Variants in NKAIN3 observed in about 807,000 individuals in gnomAD.
NKAIN3 encodes the protein sodium/potassium-transporting ATPase subunit beta-1-interacting protein 3.
NKAIN3 carries 25 observed loss-of-function variants against 30.2 expected under a neutral mutation model. The observed-to-expected ratio is 0.83, with a 90% CI of 0.60 to 1.16. NKAIN3 has a LOEUF of 1.16. NKAIN3 is among the 50% of genes most tolerant of loss of function. NKAIN3 has a pLI of 0.00. For missense variants in NKAIN3, 225 were observed against 254.1 expected, an observed-to-expected ratio of 0.89 and a Z score of 0.78; for synonymous variants, 91 against 89.6, an observed-to-expected ratio of 1.02 and a Z score of -0.09.
Position 62,250,275 on chromosome 8 carries a change from C to T in NKAIN3, c.54+1148C>T, listed in dbSNP as rs533719696. On this transcript the variant is annotated intron_variant, in intron 1 of 6. Transcript: ENST00000623646. ...TTCTCTTGCCTCAGTGTTCCAGTCT[C>T]CCATGAAAACCTCACTTTGGATGTG... 1.6e-4 allele frequency among the ~76,000 whole-genome samples: 25 copies of T among 152,230 alleles called. No individual in the cohort carries two copies. In the South Asian group the frequency reaches 4.6e-3, roughly 28 times the overall value.
intron 1 of NKAIN3, among the ~76,000 whole-genome samples, chr8:62,309,513 G>C (rs987459460): frequency 6.6e-6 from 1 of 150,484 alleles, no homozygotes; most frequent in Non-Finnish European, 1.5e-5. Flanking sequence ...TCATGAAGCT[G>C]ATAGTTAACA....
At chr8:62,348,312 A>G (rs1361330283) in intron 1 of NKAIN3, among the ~76,000 whole-genome samples, 1 of 152,186 alleles carries the variant, frequency 6.6e-6, no homozygotes, top group Non-Finnish European at 1.5e-5. Flanking sequence ...TAATCCAGGA[A>G]GCATGTTTAT....
intron 3 of NKAIN3, among the ~76,000 whole-genome samples, chr8:62,600,886 T>C (rs1810966372): frequency 6.6e-6 from 1 of 152,118 alleles, no homozygotes; most frequent in African/African-American, 2.4e-5. Context: ...CTCATTCTTA[T>C]TACTTACCTT....
At chr8:62,805,760 A>T (rs1443850637) in intron 4 of NKAIN3, among the ~76,000 whole-genome samples, 1 of 152,234 alleles carries the variant, frequency 6.6e-6, no homozygotes, top group East Asian at 1.9e-4. Context: ...TTCATGTCTA[A>T]AACACCAAAA....
At chr8:62,766,857 C>T (rs1267607196) in intron 4 of NKAIN3, among the ~76,000 whole-genome samples, 3 of 152,166 alleles carry the variant, frequency 2.0e-5, no homozygotes, top group Non-Finnish European at 4.4e-5. Flanking sequence ...TTCCAGGATG[C>T]CCTGGTTTGG....
intron 3 of NKAIN3, among the ~76,000 whole-genome samples, chr8:62,673,228 A>G (rs1813364610): frequency 6.6e-6 from 1 of 152,254 alleles, no homozygotes; most frequent in Admixed American, 6.5e-5. Flanking sequence ...TAAACTGCTG[A>G]AAAGCAAAAT....
rs186339379 is a variant in NKAIN3 at position 62,908,084 on chromosome 8, T to C, written c.472-10369T>C. Among the ~76,000 whole-genome samples the C allele has an allele frequency of 3.3e-3, 507 of 152,268 alleles. 7 individuals are homozygous for C. The highest frequency in any genetic ancestry group is 0.011 in the African/African-American group (476 of 41,570). ...ACAGCTGTGTAGCTGCTCAAGACCATGGGAACCCCCTCCCTTGCATCAGTG... is the reference window on the plus strand; with the variant it reads ...ACAGCTGTGTAGCTGCTCAAGACCACGGGAACCCCCTCCCTTGCATCAGTG... On this transcript the variant is annotated intron_variant, in intron 4 of 6. Coordinates refer to ENST00000623646, the MANE Select transcript of NKAIN3 (RefSeq NM_001304533.3).
At chr8:62,919,226 A>ATTTTTTTTTTTTT (rs1415475110) in intron 5 of NKAIN3, among the ~76,000 whole-genome samples, 5 of 88,444 alleles carry the variant, frequency 5.7e-5, no homozygotes, top group African/African-American at 9.9e-5. Flanking sequence ...TTACTTTCAA[A>ATTTTTTTTTTTTT]ATTTTTTTTT....
intron 3 of NKAIN3, among the ~76,000 whole-genome samples, chr8:62,594,589 C>T (rs1436147410): frequency 2.0e-5 from 3 of 152,062 alleles, no homozygotes; most frequent in African/African-American, 7.2e-5. Flanking sequence ...AAAATGAGCT[C>T]TCTGTCCTGC....
intron 3 of NKAIN3, among the ~76,000 whole-genome samples, chr8:62,736,884 A>T (rs548776831): frequency 4.6e-5 from 7 of 152,148 alleles, no homozygotes; most frequent in African/African-American, 1.7e-4. Flanking sequence ...GCTTCTCTCA[A>T]TGCTTCCTCT....
intron 1 of NKAIN3, among the ~76,000 whole-genome samples, chr8:62,369,298 A>G (rs1038487520): frequency 6.6e-6 from 1 of 152,052 alleles, no homozygotes; most frequent in African/African-American, 2.4e-5. Flanking sequence ...CAGAATTTAC[A>G]TTGTGTCTAT....
intron 3 of NKAIN3, among the ~76,000 whole-genome samples, chr8:62,716,769 CTTAGAGA>C (rs1335055938): frequency 6.6e-6 from 1 of 151,338 alleles, no homozygotes; most frequent in Non-Finnish European, 1.5e-5. Context: ...CAAAACAAAA[CTTAGAGA>C]ATAACAGCTG....
At chr8:62,989,974 C>T (rs1016773247) in intron 5 of NKAIN3, among the ~76,000 whole-genome samples, 1 of 152,126 alleles carries the variant, frequency 6.6e-6, no homozygotes, top group Non-Finnish European at 1.5e-5. Context: ...TCATTCCCTG[C>T]CCTGCACACA....
chr8:62,708,588 C>G (rs1185790019), intron 3 of NKAIN3, among the ~76,000 whole-genome samples: 2 of 152,156 alleles, frequency 1.3e-5, no homozygotes, highest in Non-Finnish European at 2.9e-5. Flanking sequence ...GGAAACTATG[C>G]TGAATTCTTT....
chr8:62,479,328 G>A (rs1806629415), intron 1 of NKAIN3, among the ~76,000 whole-genome samples: 1 of 152,112 alleles, frequency 6.6e-6, no homozygotes, highest in South Asian at 2.1e-4. Context: ...GGCCCCCTAA[G>A]CAACCCAGCA....
At chr8:62,589,960 T>G (rs73257130) in intron 3 of NKAIN3, among the ~76,000 whole-genome samples, 166 bp downstream of exon 3, 10 of 150,072 alleles carry the variant, frequency 6.7e-5, no homozygotes, top group African/African-American at 2.0e-4. Context: ...TAGGTACCAC[T>G]TAGGAAAGAA....
chr8:62,656,493 AAG>A (rs982153357), intron 3 of NKAIN3, among the ~76,000 whole-genome samples: 5 of 152,028 alleles, frequency 3.3e-5, no homozygotes, highest in Admixed American at 1.3e-4. Flanking sequence ...GAAAGAAAGA[AAG>A]AAAAAAAGGA....
At chr8:62,939,944 C>T (rs1286651294) in intron 5 of NKAIN3, among the ~76,000 whole-genome samples, 1 of 151,930 alleles carries the variant, frequency 6.6e-6, no homozygotes, top group Non-Finnish European at 1.5e-5. Context: ...CTTGAATGCT[C>T]CACTTAAAAG....
At chr8:62,617,006 G>A (rs145579684) in intron 3 of NKAIN3, among the ~76,000 whole-genome samples, 3,074 of 152,200 alleles carry the variant, frequency 0.02, 107 homozygotes, top group African/African-American at 0.07. Context: ...TGGGAGATCT[G>A]GTTGTTTAAA....
Sources: gnomAD v4.1 joint callset for allele counts (sites outside exome capture counted in the v4.1 genomes callset) on GRCh38, gnomAD v4.1.1 for gene constraint, MANE v1.5 for transcripts, NCBI Gene and HGNC (gene_info 2026-07-23, HGNC 2026-07-21) for gene names.